CACNG2: variants seen among roughly 807,000 people sequenced by gnomAD.
CACNG2 encodes voltage-dependent calcium channel gamma-2 subunit.
CACNG2 carries 3 observed loss-of-function variants against 25.9 expected under a neutral mutation model. The ratio of observed to expected loss-of-function variants is 0.12; its 90% confidence interval spans 0.05 to 0.30. The LOEUF is 0.30. Ranked by LOEUF, CACNG2 falls within the 10% of genes least tolerant of loss-of-function variation. The pLI, the probability that CACNG2 is intolerant of heterozygous loss-of-function variation, is 1.00. For synonymous variants in CACNG2, 167 were observed against 173.3 expected, an observed-to-expected ratio of 0.96 and a Z score of 0.29; for missense variants, 341 against 432.5, an observed-to-expected ratio of 0.79 and a Z score of 1.88.
In CACNG2 at chr22:36,702,523, G is replaced by C. The variant is rs1190040489; in HGVS notation, c.54C>G (p.Phe18Leu). 1.2e-6 allele frequency: 2 copies of C among 1,614,116 alleles called. No homozygotes were observed. The change falls in exon 1 of 4, where the codon TTC becomes TTG. Residue 18 changes from phenylalanine (F) to leucine (L), a missense_variant. By Grantham distance (22) the Phe-to-Leu change is conservative. This residue lies in a region of CACNG2 where 169 missense variants were observed against 254.4 expected (regional missense o/e 0.66). Coordinates refer to ENST00000300105, the MANE Select transcript of CACNG2 (RefSeq NM_006078.5). ...CTATGGTCATCAGGCTGAAGGCAGCGAAAGCACCAACGGTGGTTAAAAGCA... is the reference window on the plus strand; with the variant it reads ...CTATGGTCATCAGGCTGAAGGCAGCCAAAGCACCAACGGTGGTTAAAAGCA... ...VQMLLTTVGA[F>L]AAFSLMTIAV...
At chr22:36,656,751 A>G (rs532634527) in intron 1 of CACNG2, among the ~76,000 whole-genome samples, 1 of 152,218 alleles carries the variant, frequency 6.6e-6, no homozygotes, top group Admixed American at 6.5e-5. Context: ...TCGCCTTGAG[A>G]CTTTGCCCCA....
chr22:36,686,670 G>A (rs1291318550), intron 1 of CACNG2, among the ~76,000 whole-genome samples: 8 of 152,232 alleles, frequency 5.3e-5, no homozygotes, highest in Admixed American at 3.3e-4. Flanking sequence ...GCCAGGCACC[G>A]TGTCAGGTGC....
chr22:36,643,293 T>G (rs1248622206), intron 1 of CACNG2, among the ~76,000 whole-genome samples: 2 of 151,406 alleles, frequency 1.3e-5, no homozygotes, highest in Non-Finnish European at 2.9e-5. Context: ...CCTTCCTCCC[T>G]TCCTTTTCTT....
At chr22:36,657,749 G>T (rs191851818) in intron 1 of CACNG2, among the ~76,000 whole-genome samples, 6 of 152,104 alleles carry the variant, frequency 3.9e-5, no homozygotes, top group Middle Eastern at 3.4e-3. Flanking sequence ...ATGAGCAAAA[G>T]TGTCGTGAGG....
chr22:36,660,262 AT>A (rs1449130642), intron 1 of CACNG2, among the ~76,000 whole-genome samples: 1 of 152,200 alleles, frequency 6.6e-6, no homozygotes, highest in Non-Finnish European at 1.5e-5. Context: ...TATTTGCCAA[AT>A]TCCCTTCCAA....
At chr22:36,692,084 T>C (rs894683180) in intron 1 of CACNG2, among the ~76,000 whole-genome samples, 3 of 152,044 alleles carry the variant, frequency 2.0e-5, no homozygotes, top group Non-Finnish European at 2.9e-5. Flanking sequence ...GGGATAAGAA[T>C]TGGTCTAGGG....
At chr22:36,658,185 A>G (rs981211301) in intron 1 of CACNG2, among the ~76,000 whole-genome samples, 7 of 152,188 alleles carry the variant, frequency 4.6e-5, no homozygotes, top group African/African-American at 1.4e-4. Context: ...AAGCCACAGG[A>G]GTGAAAAAAT....
At chr22:36,663,013 GAT>G (rs1936821881) in intron 1 of CACNG2, among the ~76,000 whole-genome samples, 3 of 148,828 alleles carry the variant, frequency 2.0e-5, no homozygotes, top group Non-Finnish European at 2.9e-5. Context: ...GAACACTCAC[GAT>G]ATGTTTCTAG....
chr22:36,579,248 CA>C (rs1326518448), intron 2 of CACNG2, among the ~76,000 whole-genome samples: 1 of 151,734 alleles, frequency 6.6e-6, no homozygotes, highest in African/African-American at 2.4e-5. Flanking sequence ...CTACTAAATA[CA>C]AAAAATTAGC....
intron 1 of CACNG2, among the ~76,000 whole-genome samples, chr22:36,645,971 G>C (rs764630191): frequency 6.6e-5 from 10 of 152,160 alleles, no homozygotes; most frequent in Non-Finnish European, 1.0e-4. Flanking sequence ...GCTAAAGATT[G>C]AACAACATTA....
intron 2 of CACNG2, among the ~76,000 whole-genome samples, chr22:36,577,573 C>T (rs777368047): frequency 1.6e-4 from 24 of 150,030 alleles, no homozygotes; most frequent in Non-Finnish European, 2.4e-4. Flanking sequence ...TCGCTTGAAC[C>T]GGGGAGGCGG....
At chr22:36,689,890 C>T (rs2252055) in intron 1 of CACNG2, among the ~76,000 whole-genome samples, 46,734 of 152,148 alleles carry the variant, frequency 0.31, 7,348 homozygotes, top group African/African-American at 0.36. Flanking sequence ...AATGGGTGAG[C>T]GTCTCTCTCT....
rs543489607 is a variant in CACNG2 at position 36,697,795 on chromosome 22, G to A, written c.211+4571C>T. Among the ~76,000 whole-genome samples, 20 of 152,298 alleles carry A rather than the reference G, an allele frequency of 1.3e-4. 1 individual carries two copies. The South Asian group carries it at 3.9e-3, about 30-fold the overall frequency. On this transcript the variant is annotated intron_variant, in intron 1 of 3. Transcript: ENST00000300105. ...AAGGTTCTGCTGGAGCTAAACAGGG[G>A]TGGGCCATTCTAAGGCCTGCTCTCT...
intron 1 of CACNG2, among the ~76,000 whole-genome samples, chr22:36,621,569 CAAAAA>C (rs386395348): frequency 2.5e-5 from 3 of 118,908 alleles, no homozygotes; most frequent in East Asian, 4.6e-4. Flanking sequence ...GATTTTGCCT[CAAAAA>C]AAAAAAAAAG....
intron 1 of CACNG2, among the ~76,000 whole-genome samples, chr22:36,673,231 AT>A (rs1417552236): frequency 6.6e-6 from 1 of 152,152 alleles, no homozygotes; most frequent in African/African-American, 2.4e-5. Context: ...GTCTCCAAAT[AT>A]AAAAAAACAA....
intron 2 of CACNG2, among the ~76,000 whole-genome samples, chr22:36,572,484 T>C (rs985629368): frequency 1.3e-5 from 2 of 152,140 alleles, no homozygotes; most frequent in African/African-American, 4.8e-5. Flanking sequence ...GCTGGATCAC[T>C]TGAGGTCAGG....
chr22:36,577,903 G>A (rs1935351421), intron 2 of CACNG2, among the ~76,000 whole-genome samples: 1 of 152,106 alleles, frequency 6.6e-6, no homozygotes, highest in Admixed American at 6.6e-5. Context: ...TCTAGAAGGG[G>A]CTGAGAGCCC....
At position 36,578,917 on chromosome 22, in the gene CACNG2, G is replaced by A. The variant is rs16996958; in HGVS notation, c.295+8548C>T. On this transcript the variant is annotated intron_variant, in intron 2 of 3. Transcript: ENST00000300105. Reference sequence around the variant, plus strand: ...GGTGTCCTCAAGCTGTTCACAGTCCGTGGGGAGAAGATTCCGTAACAGAAA... The same window carrying A: ...GGTGTCCTCAAGCTGTTCACAGTCCATGGGGAGAAGATTCCGTAACAGAAA... Among the ~76,000 whole-genome samples, 616 of 151,688 alleles carry A rather than the reference G, an allele frequency of 4.1e-3. 8 individuals are homozygous for A. Among genetic ancestry groups the A allele is most frequent in the African/African-American group, 0.013 (558 of 41,528 alleles).
chr22:36,604,036 C>G (rs1054770180), intron 1 of CACNG2, among the ~76,000 whole-genome samples: 1 of 152,142 alleles, frequency 6.6e-6, no homozygotes, highest in Non-Finnish European at 1.5e-5. Context: ...AGAAAGGACT[C>G]AACATTCTAG....
Sources: gnomAD v4.1 joint callset for allele counts (sites outside exome capture counted in the v4.1 genomes callset) on GRCh38, gnomAD v4.1.1 for gene constraint, gnomAD v4.1.1 regional missense constraint, MANE v1.5 for transcripts, NCBI Gene and HGNC (gene_info 2026-07-23, HGNC 2026-07-21) for gene names.